Variants in SMAP1 observed in about 807,000 individuals in gnomAD.
The protein encoded by SMAP1 is small ArfGAP 1.
SMAP1 carries 24 observed loss-of-function variants against 58.5 expected under a neutral mutation model. The observed-to-expected ratio is 0.41, with a 90% CI of 0.30 to 0.58. The LOEUF is 0.58. Ranked by LOEUF, SMAP1 falls within the 20% of genes least tolerant of loss-of-function variation. The pLI is 0.29. For missense variants in SMAP1, 563 were observed against 566.3 expected, an observed-to-expected ratio of 0.99 and a Z score of 0.06; for synonymous variants, 216 against 196.6, an observed-to-expected ratio of 1.10 and a Z score of -0.82.
At chr6:70,691,477 A>G (rs1431634132) in intron 1 of SMAP1, among the ~76,000 whole-genome samples, 1 of 152,142 alleles carries the variant, frequency 6.6e-6, no homozygotes, top group African/African-American at 2.4e-5. Context: ...ACTATTAGTT[A>G]TTTTAAAATG....
At chr6:70,754,729 A>C (rs1766414150) in intron 2 of SMAP1, among the ~76,000 whole-genome samples, 1 of 152,100 alleles carries the variant, frequency 6.6e-6, no homozygotes, top group African/African-American at 2.4e-5. Context: ...TACTGTTTTC[A>C]CAAAAAAAGA....
chr6:70,855,095 T>TATACAC (rs1406923229), intron 8 of SMAP1, among the ~76,000 whole-genome samples: 3 of 151,736 alleles, frequency 2.0e-5, no homozygotes, highest in Non-Finnish European at 4.4e-5. Flanking sequence ...TACATATACA[T>TATACAC]ATACATATAC....
At chr6:70,851,228 C>T (rs72930870) in intron 7 of SMAP1, among the ~76,000 whole-genome samples, 123 of 152,146 alleles carry the variant, frequency 8.1e-4, no homozygotes, top group Non-Finnish European at 1.5e-3. Flanking sequence ...AATATTTTAT[C>T]GTGACTATGT....
At chr6:70,714,405 T>C (rs1366138952) in intron 1 of SMAP1, among the ~76,000 whole-genome samples, 1 of 152,106 alleles carries the variant, frequency 6.6e-6, no homozygotes, top group Non-Finnish European at 1.5e-5. Context: ...ACCAGAAGGC[T>C]TATATAAAAT....
At chr6:70,784,945 A>T (rs1047279139) in intron 4 of SMAP1, among the ~76,000 whole-genome samples, 1 of 152,226 alleles carries the variant, frequency 6.6e-6, no homozygotes, top group Non-Finnish European at 1.5e-5. Context: ...GCTCTGCACC[A>T]AGTGGACCTA....
chr6:70,836,977 A>T lies in SMAP1; in HGVS notation c.613A>T (p.Ser205Cys), dbSNP rs1483936169. Residue 205 changes from serine (S) to cysteine (C), a missense_variant, in exon 7 of 11, where the codon AGT becomes TGT. By Grantham distance (112) the Ser-to-Cys change is moderately radical (BLOSUM62 -1). Transcript: ENST00000370455. ...AGATCAGCAACTGGAGCCTAAAAAA[A>T]GTACCAGCCCTAAAAAAGCTGCGGA... ...KKDQQLEPKK[S>C]TSPKKAAEPT... is the part of the protein sequence containing the mutation. 1.2e-6 allele frequency: 2 copies of T among 1,603,516 alleles called. No individual in the cohort carries two copies. The highest frequency in any genetic ancestry group is 1.7e-5 in the Admixed American group (1 of 59,210).
intron 3 of SMAP1, among the ~76,000 whole-genome samples, chr6:70,767,121 C>G (rs1767024946): frequency 6.6e-6 from 1 of 152,084 alleles, no homozygotes; most frequent in Admixed American, 6.5e-5. Flanking sequence ...TGTTTTGGTA[C>G]CAATACCATG....
At chr6:70,823,463 G>A (rs772284438) in intron 6 of SMAP1, among the ~76,000 whole-genome samples, 3 of 152,080 alleles carry the variant, frequency 2.0e-5, no homozygotes, top group Non-Finnish European at 4.4e-5. Flanking sequence ...TCAGGCTCTG[G>A]TAAAATAGTT....
At chr6:70,835,811 G>A (rs1223040520) in intron 6 of SMAP1, among the ~76,000 whole-genome samples, 10 of 152,058 alleles carry the variant, frequency 6.6e-5, no homozygotes, top group South Asian at 2.1e-4. Context: ...TCAACTGAAC[G>A]TTTTATTTTC....
intron 6 of SMAP1, among the ~76,000 whole-genome samples, chr6:70,833,537 A>C (rs1466654497): frequency 2.6e-5 from 4 of 152,146 alleles, no homozygotes; most frequent in Non-Finnish European, 5.9e-5. Flanking sequence ...AGAATAGCCA[A>C]CTCTATTTGG....
At position 70,803,744 on chromosome 6, in the gene SMAP1, CT is replaced by C. The variant is rs528156746; in HGVS notation, c.576+5010del. On this transcript the variant is annotated intron_variant, in intron 6 of 10. Coordinates refer to ENST00000370455, the MANE Select transcript of SMAP1 (RefSeq NM_001044305.3). ...AACATCGTTATTTCTGCCTTCATTT[CT>C]TTACTCAGTAGTCATTCAGGAGCAG... 1.1e-4 allele frequency among the ~76,000 whole-genome samples: 17 copies of C among 151,660 alleles called. No individual in the cohort carries two copies. The South Asian group carries it at 3.3e-3, about 30-fold the overall frequency.
chr6:70,757,116 A>G (rs373258533), intron 3 of SMAP1, among the ~76,000 whole-genome samples: 1 of 151,946 alleles, frequency 6.6e-6, no homozygotes, highest in South Asian at 2.1e-4. Flanking sequence ...TGACTTCAAA[A>G]TATACTACAA....
chr6:70,839,548 C>A (rs1359478555), intron 7 of SMAP1, among the ~76,000 whole-genome samples: 1 of 152,064 alleles, frequency 6.6e-6, no homozygotes, highest in Non-Finnish European at 1.5e-5. Context: ...AAGGGAGAAC[C>A]AAAGTTCATT....
rs1051636550 is a variant in SMAP1 at position 70,861,014 on chromosome 6, T to C, written c.*680T>C. 7 of 278,564 alleles carry C rather than the reference T, an allele frequency of 2.5e-5. No individual in the cohort carries two copies. The highest frequency in any genetic ancestry group is 1.1e-4 in the African/African-American group (5 of 46,142). 17.3% of individuals were successfully genotyped at this position (278,564 alleles called of 1,614,324 possible). On this transcript the variant is annotated 3_prime_UTR_variant, in exon 11 of 11. Coordinates refer to ENST00000370455, the MANE Select transcript of SMAP1 (RefSeq NM_001044305.3). ...CTAACATGAAGACCTTTTTCTGCAC[T>C]ATATGCAAACAGGGTAACTAACTAA...
intron 10 of SMAP1, chr6:70,859,473 A>ATGTT: frequency 8.9e-7 from 1 of 1,120,310 alleles, no homozygotes; most frequent in Non-Finnish European, 1.3e-6. Flanking sequence ...GATGTAGTTT[A>ATGTT]TGTTAGTGTC....
At chr6:70,821,464 G>A (rs1407227108) in intron 6 of SMAP1, among the ~76,000 whole-genome samples, 1 of 152,046 alleles carries the variant, frequency 6.6e-6, no homozygotes, top group Admixed American at 6.6e-5. Context: ...ATCCTAGTGA[G>A]TATAGAAACT....
At chr6:70,691,491 G>A (rs1767165478) in intron 1 of SMAP1, among the ~76,000 whole-genome samples, 1 of 152,008 alleles carries the variant, frequency 6.6e-6, no homozygotes, top group South Asian at 2.1e-4. Context: ...TAAAATGTGT[G>A]ATAAATTATT....
chr6:70,714,367 A>G (rs1768179106), intron 1 of SMAP1, among the ~76,000 whole-genome samples: 1 of 151,896 alleles, frequency 6.6e-6, no homozygotes. Flanking sequence ...TTCTTTGTGT[A>G]ACTTCTATAG....
At chr6:70,783,757 GAA>G (rs1767873102) in intron 4 of SMAP1, among the ~76,000 whole-genome samples, 1 of 152,102 alleles carries the variant, frequency 6.6e-6, no homozygotes, top group East Asian at 1.9e-4. Flanking sequence ...AGAGAAAAAA[GAA>G]TAAAAAGAAA....
Sources: gnomAD v4.1 joint callset for allele counts (sites outside exome capture counted in the v4.1 genomes callset) on GRCh38, gnomAD v4.1.1 for gene constraint, MANE v1.5 for transcripts, NCBI Gene and HGNC (gene_info 2026-07-23, HGNC 2026-07-21) for gene names.